Variants in KIAA1328 observed in about 807,000 individuals in gnomAD.
The protein encoded by KIAA1328 is protein hinderin.
In KIAA1328, 52 loss-of-function variants were observed where a neutral mutation model predicts 68.1. That is an observed-to-expected ratio of 0.76 (90% CI 0.61 to 0.96). The LOEUF (loss-of-function observed/expected upper bound fraction) is 0.96, where lower values mean the gene tolerates loss of function less well. KIAA1328 is among the 40% of genes least tolerant of loss of function. The pLI, the probability that KIAA1328 is intolerant of heterozygous loss-of-function variation, is 0.00. For synonymous variants in KIAA1328, 232 were observed against 239.4 expected (o/e 0.97, Z 0.28); for missense variants, 641 against 677.6 (o/e 0.95, Z 0.60).
At chr18:36,848,687 A>C (rs1266586613) in intron 4 of KIAA1328, among the ~76,000 whole-genome samples, 3 of 150,860 alleles carry the variant, frequency 2.0e-5, no homozygotes, top group Non-Finnish European at 4.4e-5. Flanking sequence ...TAAGCTGTAC[A>C]TTTTTTAATA....
rs8092561 is a variant in KIAA1328 at position 37,082,463 on chromosome 18, C to G, written c.1232+14918C>G. On this transcript the variant is annotated intron_variant, in intron 7 of 9. Transcript: ENST00000280020. ...CTGGGATTACAGGCGTGAGCCACCCCGCCCGGCCCCAGGGAATTTCACTTC... is the reference window on the plus strand; with the variant it reads ...CTGGGATTACAGGCGTGAGCCACCCGGCCCGGCCCCAGGGAATTTCACTTC... Among the ~76,000 whole-genome samples, 1,480 of 152,272 alleles carry G rather than the reference C, an allele frequency of 9.7e-3. 29 individuals are homozygous for G. Among genetic ancestry groups the G allele is most frequent in the African/African-American group, 0.034 (1,406 of 41,548 alleles).
chr18:37,080,157 A>G (rs2056901279), intron 7 of KIAA1328, among the ~76,000 whole-genome samples: 1 of 152,154 alleles, frequency 6.6e-6, no homozygotes, highest in South Asian at 2.1e-4. Context: ...AATGTATACC[A>G]TCTGGAAAAC....
At chr18:37,192,826 A>G (rs2059931563) in intron 9 of KIAA1328, among the ~76,000 whole-genome samples, 1 of 152,254 alleles carries the variant, frequency 6.6e-6, no homozygotes, top group African/African-American at 2.4e-5. Flanking sequence ...TGATTAAGAT[A>G]TCTTAAGTTT....
intron 4 of KIAA1328, among the ~76,000 whole-genome samples, chr18:36,883,464 A>G (rs2150974262): frequency 6.6e-6 from 1 of 152,310 alleles, no homozygotes; most frequent in East Asian, 1.9e-4. Context: ...CAATCCTACA[A>G]AGGCATCTGA....
chr18:36,846,016 C>G (rs1010970755), intron 4 of KIAA1328, among the ~76,000 whole-genome samples: 1 of 151,576 alleles, frequency 6.6e-6, no homozygotes, highest in South Asian at 2.1e-4. Context: ...TTACTATTAA[C>G]GTACAAGTAT....
At position 37,050,661 on chromosome 18, in the gene KIAA1328, C is replaced by T. The variant is rs114594420; in HGVS notation, c.577-16229C>T. Among the ~76,000 whole-genome samples the T allele has an allele frequency of 6.8e-3, 1,040 of 152,224 alleles. 16 individuals are homozygous for T. The highest frequency in any genetic ancestry group is 0.023 in the African/African-American group (963 of 41,532). ...AAAAATAAATATCCTCACAATTAGACGTTTGTCTTCTTCAACTTTCAGTTG... is the reference window on the plus strand; with the variant it reads ...AAAAATAAATATCCTCACAATTAGATGTTTGTCTTCTTCAACTTTCAGTTG... On this transcript the variant is annotated intron_variant, in intron 6 of 9. Transcript: ENST00000280020.
At chr18:36,970,557 A>G (rs1396822864) in intron 6 of KIAA1328, among the ~76,000 whole-genome samples, 2 of 152,178 alleles carry the variant, frequency 1.3e-5, no homozygotes, top group Admixed American at 6.5e-5. Flanking sequence ...AGAAAACCCC[A>G]TTGTCTGAGC....
At chr18:37,101,486 G>A (rs867128391) in intron 7 of KIAA1328, among the ~76,000 whole-genome samples, 58 of 152,292 alleles carry the variant, frequency 3.8e-4, no homozygotes, top group African/African-American at 1.2e-4. Flanking sequence ...AAAAGGAAAC[G>A]AACGAAGCCT....
At chr18:36,901,657 C>T (rs2049043273) in intron 5 of KIAA1328, among the ~76,000 whole-genome samples, 1 of 151,976 alleles carries the variant, frequency 6.6e-6, no homozygotes, top group Non-Finnish European at 1.5e-5. Context: ...CTTAATGGAC[C>T]TGCAGTGCTA....
At chr18:37,012,565 A>G (rs2054014075) in intron 6 of KIAA1328, among the ~76,000 whole-genome samples, 1 of 152,178 alleles carries the variant, frequency 6.6e-6, no homozygotes, top group Non-Finnish European at 1.5e-5. Context: ...TTATAATTAT[A>G]TGGAGGGAAG....
At chr18:36,857,946 T>C (rs2047436820) in intron 4 of KIAA1328, among the ~76,000 whole-genome samples, 2 of 152,236 alleles carry the variant, frequency 1.3e-5, no homozygotes, top group African/African-American at 4.8e-5. Flanking sequence ...ATGTTTCATG[T>C]GCTTTTGAAA....
intron 7 of KIAA1328, among the ~76,000 whole-genome samples, chr18:37,104,269 G>A (rs990766831): frequency 1.3e-5 from 2 of 152,126 alleles, no homozygotes; most frequent in African/African-American, 2.4e-5. Flanking sequence ...ATCAACCTGT[G>A]TCCATCATCA....
chr18:37,031,644 T>C lies in KIAA1328; in HGVS notation c.577-35246T>C, dbSNP rs72890550. On this transcript the variant is annotated intron_variant, in intron 6 of 9. Coordinates refer to ENST00000280020, the MANE Select transcript of KIAA1328 (RefSeq NM_020776.3). ...GACTGTCTCTGGACTTATATTGGACTCTTTGGATCCTTTACCCTTGATGCA... is the reference window on the plus strand; with the variant it reads ...GACTGTCTCTGGACTTATATTGGACCCTTTGGATCCTTTACCCTTGATGCA... Among the ~76,000 whole-genome samples, 262 of 152,354 alleles carry C rather than the reference T, an allele frequency of 1.7e-3. 1 individual carries two copies. The highest frequency in any genetic ancestry group is 2.2e-3 in the Non-Finnish European group (151 of 68,034).
At chr18:37,227,510 C>G (rs1482565528), downstream of KIAA1328, among the ~76,000 whole-genome samples, 1 of 152,148 alleles carries the variant, frequency 6.6e-6, no homozygotes, top group Non-Finnish European at 1.5e-5. Flanking sequence ...TTTACAATTC[C>G]GAAAATCCAA....
chr18:37,103,707 G>T (rs1473385059), intron 7 of KIAA1328, among the ~76,000 whole-genome samples: 2 of 151,732 alleles, frequency 1.3e-5, no homozygotes, highest in African/African-American at 4.8e-5. Context: ...TCAACAGAAT[G>T]AAAAGAAACC....
chr18:37,016,506 T>G (rs1465670073), intron 6 of KIAA1328, among the ~76,000 whole-genome samples: 3 of 152,118 alleles, frequency 2.0e-5, no homozygotes, highest in Admixed American at 1.3e-4. Flanking sequence ...TCCTCCTTGA[T>G]TTTTAGTAAA....
At chr18:36,969,704 T>C (rs899664063) in intron 6 of KIAA1328, among the ~76,000 whole-genome samples, 1 of 152,302 alleles carries the variant, frequency 6.6e-6, no homozygotes, top group East Asian at 1.9e-4. Context: ...CTACCAGATG[T>C]ACAAAGAAGG....
intron 9 of KIAA1328, among the ~76,000 whole-genome samples, chr18:37,214,556 T>C (rs2060386916): frequency 1.3e-5 from 2 of 152,200 alleles, no homozygotes; most frequent in Non-Finnish European, 2.9e-5. Flanking sequence ...ATTGTAGCCT[T>C]GTAGTATAGT....
rs571016864 is a variant in KIAA1328, at chr18:36,999,899, C to T, written c.576+40464C>T. 5.3e-5 allele frequency among the ~76,000 whole-genome samples: 8 copies of T among 151,570 alleles called. No individual in the cohort carries two copies. The South Asian group carries it at 6.3e-4, about 12-fold the overall frequency. ...AAAAAGAAACAAATGATACCACCAC[C>T]GAAATCCACCAAACCACAATGAAAA... On this transcript the variant is annotated intron_variant, in intron 6 of 9. Coordinates refer to ENST00000280020, the MANE Select transcript of KIAA1328 (RefSeq NM_020776.3).
Sources: gnomAD v4.1 joint callset for allele counts (sites outside exome capture counted in the v4.1 genomes callset) on GRCh38, gnomAD v4.1.1 for gene constraint, MANE v1.5 for transcripts, NCBI Gene and HGNC (gene_info 2026-07-23, HGNC 2026-07-21) for gene names.